The following WNK1 variants were observed in gnomAD, a reference collection of about 807,000 sequenced individuals.
WNK1 encodes serine/threonine-protein kinase WNK1.
In WNK1, 38 loss-of-function variants were observed where a neutral mutation model predicts 222.8. The ratio of observed to expected loss-of-function variants is 0.17; its 90% CI spans 0.13 to 0.22. The LOEUF (loss-of-function observed/expected upper bound fraction) is 0.22. Ranked by LOEUF, WNK1 falls within the 10% of genes least tolerant of loss-of-function variation. WNK1 has a pLI of 1.00. For synonymous variants in WNK1, 1,090 were observed against 1,092.9 expected, an observed-to-expected ratio of 1.00 and a Z score of 0.05; for missense variants, 2,348 against 2,918.4, an observed-to-expected ratio of 0.80 and a Z score of 4.50.
chr12:808,007 C>T (rs941587106), intron 1 of WNK1, among the ~76,000 whole-genome samples: 2 of 151,992 alleles, frequency 1.3e-5, no homozygotes, highest in Non-Finnish European at 2.9e-5. Flanking sequence ...GCGTGAGCCA[C>T]CGCGCCCGGC....
intron 1 of WNK1, among the ~76,000 whole-genome samples, chr12:774,774 G>C (rs187859013): frequency 1.3e-4 from 20 of 152,168 alleles, no homozygotes; most frequent in African/African-American, 4.8e-4. Context: ...TATAGTTTAT[G>C]TCTGCAGAAC....
chr12:841,439 T>C (rs1481264368), intron 4 of WNK1, among the ~76,000 whole-genome samples: 1 of 152,250 alleles, frequency 6.6e-6, no homozygotes, highest in African/African-American at 2.4e-5. Context: ...CATGTATCAG[T>C]ACTTTTTAAT....
intron 1 of WNK1, among the ~76,000 whole-genome samples, chr12:779,397 G>GTTTTTTTTTTTTTTTTT (rs5795950): frequency 5.6e-5 from 7 of 124,268 alleles, no homozygotes; most frequent in Admixed American, 8.2e-5. Flanking sequence ...TTTCTTTTCT[G>GTTTTTTTTTTTTTTTTT]TTTTTTTTTT....
chr12:867,080 C>A (rs1951736625), intron 8 of WNK1, among the ~76,000 whole-genome samples: 1 of 152,092 alleles, frequency 6.6e-6, no homozygotes, highest in Non-Finnish European at 1.5e-5. Context: ...CCAAGATTGT[C>A]ACTGCACTCC....
chr12:767,297 C>T (rs924010400), intron 1 of WNK1, among the ~76,000 whole-genome samples: 18 of 121,994 alleles, frequency 1.5e-4, no homozygotes, highest in East Asian at 2.6e-4. Context: ...CTGTCGCTCA[C>T]GCTGGAGCGC....
chr12:854,367 G>T (rs12830564), intron 4 of WNK1, among the ~76,000 whole-genome samples: 124,671 of 125,998 alleles, frequency 0.99, 61,672 homozygotes, highest in South Asian at 1. Context: ...TTTTTTTTTT[G>T]TTTTTTTTGA....
intron 4 of WNK1, among the ~76,000 whole-genome samples, chr12:837,787 T>C (rs1447752632): frequency 4.6e-5 from 7 of 152,120 alleles, no homozygotes; most frequent in African/African-American, 1.7e-4. Flanking sequence ...ACAACAGGTA[T>C]GTGCAGCCAT....
rs71051381 is a variant in WNK1 at position 758,035 on chromosome 12, TAAAAAAA to T, written c.759+3724_759+3730del. ...GGGTGACAGGGTGAGACTCTGTCTC[TAAAAAAA>T]AAAAAAAAAAAAGAAAGAAAGAAAA... On this transcript the variant is annotated intron_variant, in intron 1 of 27. Transcript: ENST00000315939. Among the ~76,000 whole-genome samples, 11 of 116,282 alleles carry T rather than the reference TAAAAAAA, an allele frequency of 9.5e-5. 2 individuals are homozygous for T. The highest frequency in any genetic ancestry group is 3.4e-4 in the African/African-American group (11 of 32,598). The allele number at this position is 116,282 out of a possible 152,430, so 76.3% of individuals were successfully genotyped here.
intron 1 of WNK1, among the ~76,000 whole-genome samples, chr12:765,927 G>T (rs992329109): frequency 6.6e-6 from 1 of 152,048 alleles, no homozygotes; most frequent in South Asian, 2.1e-4. Flanking sequence ...TATTTTTTGG[G>T]AAACTGTACA....
chr12:784,250 T>C lies in WNK1; in HGVS notation c.760-29392T>C, dbSNP rs916047959. ...AAGAAATTGTATTTTATTTATTTTA[T>C]TTTTACAACCCAGATGTGTGAATCT... On this transcript the variant is annotated intron_variant, in intron 1 of 27. Transcript: ENST00000315939. 6.6e-5 allele frequency among the ~76,000 whole-genome samples: 10 copies of C among 152,180 alleles called. 1 individual carries two copies. Among genetic ancestry groups the C allele is most frequent in the Non-Finnish European group, 7.3e-5 (5 of 68,032 alleles).
chr12:784,693 T>G (rs1944096402), intron 1 of WNK1, among the ~76,000 whole-genome samples: 1 of 152,236 alleles, frequency 6.6e-6, no homozygotes, highest in Non-Finnish European at 1.5e-5. Context: ...TTAAAACTTT[T>G]AGATATTCTT....
At chr12:831,779 A>G (rs201503359) in intron 4 of WNK1, among the ~76,000 whole-genome samples, 1 of 152,114 alleles carries the variant, frequency 6.6e-6, no homozygotes, top group East Asian at 1.9e-4. Flanking sequence ...CACATAGACA[A>G]AATCCCTCTG....
chr12:787,799 A>G (rs6489749), intron 1 of WNK1, among the ~76,000 whole-genome samples: 118,119 of 152,010 alleles, frequency 0.78, 46,032 homozygotes, highest in East Asian at 0.87. Flanking sequence ...TTAAAAACTT[A>G]GATGTTGTCA....
In WNK1 at chr12:824,397, T is replaced by C. The variant is rs181104981; in HGVS notation, c.933-2645T>C. 9.2e-5 allele frequency among the ~76,000 whole-genome samples: 14 copies of C among 152,254 alleles called. No homozygotes were observed. In the East Asian group the frequency reaches 2.7e-3, roughly 29 times the overall value. On this transcript the variant is annotated intron_variant, in intron 2 of 27. Transcript: ENST00000315939. ...TGTTCCATTTGTAATATGGAGCAGA[T>C]TGGATTCCTTCTTGTCCTTATACTT... is the stretch of plus-strand genomic sequence containing the variant.
chr12:906,428 C>T, intron 26 of WNK1: 2 of 985,360 alleles, frequency 2.0e-6, no homozygotes, highest in Non-Finnish European at 2.4e-6. Flanking sequence ...CTCCCCTTTG[C>T]ACCCTGCCTC....
intron 4 of WNK1, among the ~76,000 whole-genome samples, chr12:836,736 G>C (rs1366374138): frequency 6.6e-6 from 1 of 152,142 alleles, no homozygotes; most frequent in Non-Finnish European, 1.5e-5. Context: ...TCAAGTCATA[G>C]GCTTTCAGTA....
chr12:827,399 C>T lies in WNK1; in HGVS notation c.1153+137C>T, dbSNP rs72648622. 95 of 742,754 alleles carry T rather than the reference C, an allele frequency of 1.3e-4. No individual in the cohort carries two copies. The African/African-American group carries it at 1.6e-3, about 12-fold the overall frequency. 46.0% of individuals were successfully genotyped at this position (742,754 alleles called of 1,614,324 possible). On this transcript the variant is annotated intron_variant, in intron 3 of 27. Transcript: ENST00000315939. The surrounding 1 kb of genome is among the most constrained non-coding windows in gnomAD (Gnocchi z 4.6). ...TGAACTCAGGAGGTGATCCATTGTA[C>T]TTATGAGATATAGGATTCTCTATAT...
chr12:893,435 G>A (rs139876035), intron 22 of WNK1, among the ~76,000 whole-genome samples: 3 of 152,110 alleles, frequency 2.0e-5, no homozygotes, highest in South Asian at 2.1e-4. Flanking sequence ...CATAAAAATC[G>A]CTCAATGTTC....
intron 4 of WNK1, among the ~76,000 whole-genome samples, chr12:835,680 T>G (rs939706845): frequency 6.6e-5 from 10 of 151,790 alleles, no homozygotes; most frequent in Non-Finnish European, 1.5e-4. Context: ...TGGCTGGGCG[T>G]GATAGCTCAC....
Sources: gnomAD v4.1 joint callset for allele counts (sites outside exome capture counted in the v4.1 genomes callset) on GRCh38, gnomAD v4.1.1 for gene constraint, Gnocchi (gnomAD v3.1) non-coding constraint, MANE v1.5 for transcripts, NCBI Gene and HGNC (gene_info 2026-07-23, HGNC 2026-07-21) for gene names.